Variants in NR1H2 observed in about 807,000 individuals in gnomAD.
NR1H2 encodes the protein nuclear receptor subfamily 1 group H member 2.
A neutral mutation model predicts 51.2 loss-of-function variants in NR1H2; 33 were observed. The observed-to-expected ratio is 0.64, with a 90% CI of 0.49 to 0.86. The LOEUF (loss-of-function observed/expected upper bound fraction) is 0.86. Among genes scored for constraint, NR1H2 ranks in the 40% least tolerant of loss-of-function variants. The pLI is 0.00. For synonymous variants in NR1H2, 310 were observed against 264.3 expected (o/e 1.17, Z -1.68); for missense variants, 592 against 639.9 (o/e 0.93, Z 0.81).
In NR1H2 at chr19:50,378,800, C is replaced by T; in HGVS notation, c.747+4C>T. Reference sequence around the variant, plus strand: ...CTCCGACCAGCCCAAAGTCACGGTACTGCCCCCTCCACAACCTTGAGTGTG... The same window carrying T: ...CTCCGACCAGCCCAAAGTCACGGTATTGCCCCCTCCACAACCTTGAGTGTG... On this transcript the variant is annotated splice_donor_region_variant and intron_variant, in intron 6 of 9. Coordinates refer to ENST00000253727, the MANE Select transcript of NR1H2 (RefSeq NM_007121.7). The T allele has an allele frequency of 1.2e-6, 2 of 1,611,644 alleles. No individual in the cohort carries two copies. The highest frequency in any genetic ancestry group is 1.7e-6 in the Non-Finnish European group (2 of 1,178,874).
rs1601140198 is a variant in NR1H2 at position 50,378,563 on chromosome 19, A to AAGC, written c.515_516insGCA (p.Gln175dup). Reference sequence around the variant, plus strand: ...ACAGATCCGGAAGAAGAAGATTCGGAAACAGCAGCAGGAGTCACAGTCACA... The same window carrying AAGC: ...ACAGATCCGGAAGAAGAAGATTCGGAAGCAACAGCAGCAGGAGTCACAGTCACA... On this transcript the variant is annotated inframe_insertion, in exon 6 of 10. Coordinates refer to ENST00000253727, the MANE Select transcript of NR1H2 (RefSeq NM_007121.7). 3 of 1,565,192 alleles carry AAGC rather than the reference A, an allele frequency of 1.9e-6. No individual in the cohort carries two copies. The highest frequency in any genetic ancestry group is 1.7e-5 in the African/African-American group (1 of 58,022).
intron 4 of NR1H2, 31 bp downstream of exon 4, chr19:50,377,901 G>A (rs373174975): frequency 8.0e-5 from 121 of 1,520,604 alleles, no homozygotes; most frequent in Middle Eastern, 5.4e-4. Flanking sequence ...TGATGTGGGG[G>A]CTTGGGGAGG....
In NR1H2 at chr19:50,382,578, G is replaced by A. The variant is rs765811282; in HGVS notation, c.1359G>A (p.Ser453=). 23 of 1,596,768 alleles carry A rather than the reference G, an allele frequency of 1.4e-5. No individual in the cohort carries two copies. Among genetic ancestry groups the A allele is most frequent in the Middle Eastern group, 3.3e-4 (2 of 5,976 alleles). The change falls in exon 10 of 10, where the codon TCG becomes TCA. Residue 453 remains serine, a synonymous_variant. Transcript: ENST00000253727. ...ACAAGAAGCTGCCGCCTCTGCTGTCGGAGATCTGGGACGTCCACGAGTGAG... is the reference window on the plus strand; with the variant it reads ...ACAAGAAGCTGCCGCCTCTGCTGTCAGAGATCTGGGACGTCCACGAGTGAG... ...LQDKKLPPLL[S]EIWDVHE
At chr19:50,381,917 G>T (rs145718684) in intron 8 of NR1H2, 49 bp from the exon 9 acceptor site, 107 of 1,474,188 alleles carry the variant, frequency 7.3e-5, no homozygotes, top group Non-Finnish European at 9.0e-5. Flanking sequence ...CCAGGATGTG[G>T]GGCACGGTTT....
chr19:50,379,232 T>C, intron 7 of NR1H2, 51 bp downstream of exon 7: 1 of 1,549,192 alleles, frequency 6.5e-7, no homozygotes, highest in Non-Finnish European at 8.7e-7. Context: ...CCAGGACAGA[T>C]GCTGGGAGCA....
intron 3 of NR1H2, 21 bp downstream of exon 3, chr19:50,377,669 C>A: frequency 6.2e-7 from 1 of 1,610,162 alleles, no homozygotes; most frequent in Non-Finnish European, 8.5e-7. Context: ...CTCTTCCCCA[C>A]CCAGCCCTTA....
chr19:50,377,385 T>C (rs949200056), intron 2 of NR1H2: 10 of 500,416 alleles, frequency 2.0e-5, no homozygotes, highest in Non-Finnish European at 3.1e-5. Flanking sequence ...AAGACCAAGC[T>C]GAAGGCTGGC....
Position 50,382,736 on chromosome 19 carries a change from T to C in NR1H2, c.*134T>C. The stretch of plus-strand genomic sequence containing the variant: ...ACCTATCGGCTCTCATCCCTTGGGA[T>C]AAGCCCCAGTCCAGGTCCAGGAGGC... On this transcript the variant is annotated 3_prime_UTR_variant, in exon 10 of 10. Coordinates refer to ENST00000253727, the MANE Select transcript of NR1H2 (RefSeq NM_007121.7). 1.1e-6 allele frequency: 1 copy of C among 952,170 alleles called. No homozygotes were observed. The highest frequency in any genetic ancestry group is 1.5e-6 in the Non-Finnish European group (1 of 659,258). 59.0% of individuals were successfully genotyped at this position (952,170 alleles called of 1,614,324 possible).
Position 50,382,607 on chromosome 19 carries a change from C to T in NR1H2, c.*5C>T. 1 of 1,556,732 alleles carries T rather than the reference C, an allele frequency of 6.4e-7. No individual in the cohort carries two copies. Among genetic ancestry groups the T allele is most frequent in the Non-Finnish European group, 8.7e-7 (1 of 1,153,544 alleles). On this transcript the variant is annotated 3_prime_UTR_variant, in exon 10 of 10. Coordinates refer to ENST00000253727, the MANE Select transcript of NR1H2 (RefSeq NM_007121.7). ...ATCTGGGACGTCCACGAGTGAGGGGCTGGCCACCCAGCCCCACAGCCTTGC... is the reference window on the plus strand; with the variant it reads ...ATCTGGGACGTCCACGAGTGAGGGGTTGGCCACCCAGCCCCACAGCCTTGC...
In NR1H2 at chr19:50,382,078, C is replaced by T. The variant is rs555460819; in HGVS notation, c.1140C>T (p.Ala380=). 1.3e-5 allele frequency: 20 copies of T among 1,551,718 alleles called. No homozygotes were observed. Among genetic ancestry groups the T allele is most frequent in the South Asian group, 3.6e-5 (3 of 84,380 alleles). ...ALLIAINIFS[A]DRPNVQEPGR... ...TCATCGCCATCAACATCTTCTCGGC[C>T]GACCGGCCCAACGTGCAGGAGCCGG... The change falls in exon 9 of 10, where the codon GCC becomes GCT. Residue 380 remains alanine, a synonymous_variant. Coordinates refer to ENST00000253727, the MANE Select transcript of NR1H2 (RefSeq NM_007121.7).
intron 9 of NR1H2, 28 bp from the exon 10 acceptor site, chr19:50,382,428 G>T (rs2037789940): frequency 5.1e-6 from 8 of 1,563,014 alleles, no homozygotes; most frequent in Non-Finnish European, 6.9e-6. Context: ...CAGGGGCTCA[G>T]CCAGCGCCCA....
At chr19:50,379,290 C>T (rs992743777) in intron 7 of NR1H2, 109 bp downstream of exon 7, 10 of 1,173,768 alleles carry the variant, frequency 8.5e-6, no homozygotes, top group Admixed American at 7.8e-5. Flanking sequence ...CATTCCACGG[C>T]GAATAGAGTC....
At chr19:50,380,173 G>A (rs891018637) in intron 8 of NR1H2, among the ~76,000 whole-genome samples, 4 of 152,002 alleles carry the variant, frequency 2.6e-5, no homozygotes, top group African/African-American at 7.3e-5. Context: ...TTTAAAAAAA[G>A]CATGTATTGA....
In NR1H2 at chr19:50,382,170, C is replaced by T. The variant is rs776242826; in HGVS notation, c.1232C>T (p.Pro411Leu). ...ALLSYTRIKR[P>L]QDQLRFPRML... ...CTGTCCTACACGCGCATCAAGAGGC[C>T]GCAGGTAGGGCCCCGCAGAGCCTCT... is the stretch of plus-strand genomic sequence containing the variant. Residue 411 changes from proline (P) to leucine (L), a missense_variant, in exon 9 of 10, where the codon CCG (proline) becomes CTG (leucine). This residue lies in a region of NR1H2 where 174 missense variants were observed against 174.0 expected (regional missense o/e 1.00). Coordinates refer to ENST00000253727, the MANE Select transcript of NR1H2 (RefSeq NM_007121.7). 7 of 1,529,038 alleles carry T rather than the reference C, an allele frequency of 4.6e-6. No homozygotes were observed. The highest frequency in any genetic ancestry group is 6.1e-6 in the Non-Finnish European group (7 of 1,141,722). The allele number at this position is 1,529,038 out of a possible 1,614,324, so 94.7% of individuals were successfully genotyped here. A position where few individuals can be genotyped will look rare whatever the true frequency, so the allele number is the denominator to read the frequency against.
Position 50,382,126 on chromosome 19 carries a change from GC to G in NR1H2, c.1191del (p.Tyr398ThrfsTer25). On this transcript the variant is annotated frameshift_variant, in exon 9 of 10. Transcript: ENST00000253727. LOFTEE classifies it high-confidence loss of function. ...EPGRVEALQQ[P>X]YVEALLSYTR... is the part of the protein sequence containing the mutation. The stretch of plus-strand genomic sequence containing the variant: ...CGGGCCGCGTGGAGGCGTTGCAGCA[GC>G]CCTACGTGGAGGCGCTGCTGTCCTA... 1.3e-6 allele frequency: 2 copies of G among 1,543,948 alleles called. No homozygotes were observed.
intron 7 of NR1H2, among the ~76,000 whole-genome samples, 158 bp downstream of exon 7, chr19:50,379,339 G>C (rs1316265580): frequency 1.3e-5 from 2 of 152,220 alleles, no homozygotes; most frequent in African/African-American, 4.8e-5. Flanking sequence ...AGGGTCTGAG[G>C]CTGAGAAAAT....
At chr19:50,382,277 A>G in intron 9 of NR1H2, 103 bp downstream of exon 9, 1 of 1,351,146 alleles carries the variant, frequency 7.4e-7, no homozygotes, top group African/African-American at 1.5e-5. Flanking sequence ...CCCTCCGCAG[A>G]GTCTTTCCTC....
chr19:50,382,729 C>A lies in NR1H2; in HGVS notation c.*127C>A. Reference sequence around the variant, plus strand: ...CCTGTAGACCTATCGGCTCTCATCCCTTGGGATAAGCCCCAGTCCAGGTCC... The same window carrying A: ...CCTGTAGACCTATCGGCTCTCATCCATTGGGATAAGCCCCAGTCCAGGTCC... On this transcript the variant is annotated 3_prime_UTR_variant, in exon 10 of 10. Coordinates refer to ENST00000253727, the MANE Select transcript of NR1H2 (RefSeq NM_007121.7). 9.8e-7 allele frequency: 1 copy of A among 1,023,674 alleles called. No homozygotes were observed. The highest frequency in any genetic ancestry group is 1.4e-6 in the Non-Finnish European group (1 of 721,410). 63.4% of individuals were successfully genotyped at this position (1,023,674 alleles called of 1,614,324 possible).
Position 50,379,116 on chromosome 19 carries a change from G to C in NR1H2, c.862G>C (p.Val288Leu), listed in dbSNP as rs2037722475. Reference protein sequence around the residue: ...VQEIVDFAKQVPGFLQLGRED... With the variant: ...VQEIVDFAKQLPGFLQLGRED... ...GGAGATCGTGGACTTCGCTAAGCAA[G>C]TGCCTGGTTTCCTGCAGCTGGGCCG... is the stretch of plus-strand genomic sequence containing the variant. Residue 288 changes from valine (V) to leucine (L), a missense_variant, in exon 7 of 10, where the codon GTG (valine) becomes CTG (leucine). By Grantham distance (32) the Val-to-Leu change is conservative. Coordinates refer to ENST00000253727, the MANE Select transcript of NR1H2 (RefSeq NM_007121.7). 1 of 1,614,060 alleles carries C rather than the reference G, an allele frequency of 6.2e-7. No individual in the cohort carries two copies. The highest frequency in any genetic ancestry group is 1.6e-4 in the Middle Eastern group (1 of 6,062).
Sources: gnomAD v4.1 joint callset for allele counts (sites outside exome capture counted in the v4.1 genomes callset) on GRCh38, gnomAD v4.1.1 for gene constraint, gnomAD v4.1.1 regional missense constraint, MANE v1.5 for transcripts, NCBI Gene and HGNC (gene_info 2026-07-23, HGNC 2026-07-21) for gene names.